ARPP21: variants seen among roughly 807,000 people sequenced by gnomAD.
ARPP21 encodes the protein cAMP-regulated phosphoprotein 21.
In ARPP21, 69 loss-of-function variants were observed where a neutral mutation model predicts 113.2. The observed-to-expected ratio is 0.61, with a 90% confidence interval of 0.50 to 0.74. The LOEUF (loss-of-function observed/expected upper bound fraction) is 0.74. Ranked by LOEUF, ARPP21 falls within the 30% of genes least tolerant of loss-of-function variation. ARPP21 has a pLI of 0.00. For synonymous variants in ARPP21, 368 were observed against 375.5 expected (o/e 0.98, Z 0.23); for missense variants, 1,070 against 1,037.4 (o/e 1.03, Z -0.43).
rs145464282 is a variant in ARPP21, at chr3:35,665,286, G to A, written c.-212-14501G>A. On this transcript the variant is annotated intron_variant, in intron 1 of 20. Coordinates refer to ENST00000684406, the MANE Select transcript of ARPP21 (RefSeq NM_001385562.1). ...GACAACAGCATTGCCCTTGGCCTAA[G>A]CTTTTTTTTTTAATATGATAACAAG... 4.1e-3 allele frequency among the ~76,000 whole-genome samples: 622 copies of A among 151,928 alleles called. 3 individuals are homozygous for A. The highest frequency in any genetic ancestry group is 7.2e-3 in the Non-Finnish European group (489 of 67,948).
At chr3:35,781,136 C>CCTTGTGAGGGAGCTCCTCTG (rs2096517411) in intron 19 of ARPP21, among the ~76,000 whole-genome samples, 2 of 152,072 alleles carry the variant, frequency 1.3e-5, no homozygotes, top group Non-Finnish European at 2.9e-5. Context: ...GCTGGTTGTC[C>CCTTGTGAGGGAGCTCCTCTG]CTTGTGAGGG....
At chr3:35,745,983 G>T (rs780695721) in intron 19 of ARPP21, among the ~76,000 whole-genome samples, 3 of 152,164 alleles carry the variant, frequency 2.0e-5, no homozygotes, top group Non-Finnish European at 2.9e-5. Context: ...ATAGAAGCAA[G>T]GCAGTGCCTA....
chr3:35,719,523 G>A (rs1398805997), intron 13 of ARPP21, among the ~76,000 whole-genome samples: 2 of 152,156 alleles, frequency 1.3e-5, no homozygotes, highest in African/African-American at 2.4e-5. Flanking sequence ...GGAGAAGGGT[G>A]TAGACTACAA....
At chr3:35,698,139 C>T (rs746432423) in intron 9 of ARPP21, among the ~76,000 whole-genome samples, 4 of 151,636 alleles carry the variant, frequency 2.6e-5, no homozygotes, top group African/African-American at 9.7e-5. Flanking sequence ...GAGCAAGACA[C>T]TTCGTTTTTT....
chr3:35,710,820 A>C (rs187609325), intron 11 of ARPP21, among the ~76,000 whole-genome samples: 1 of 152,266 alleles, frequency 6.6e-6, no homozygotes, highest in East Asian at 1.9e-4. Context: ...GGACAAAGAG[A>C]GGTCACTGGG....
intron 1 of ARPP21, among the ~76,000 whole-genome samples, chr3:35,645,292 A>G (rs868124669): frequency 1.2e-4 from 18 of 152,066 alleles, no homozygotes; most frequent in Non-Finnish European, 5.9e-5. Context: ...CAAAATATTA[A>G]GATTTTGTTA....
chr3:35,789,604 C>T (rs146748763), intron 19 of ARPP21, among the ~76,000 whole-genome samples: 216 of 152,220 alleles, frequency 1.4e-3, no homozygotes, highest in African/African-American at 4.5e-3. Context: ...AAGCTCGTAG[C>T]CCATTGCTAT....
intron 19 of ARPP21, among the ~76,000 whole-genome samples, chr3:35,745,499 TAAAGAGA>T (rs2094970955): frequency 6.6e-6 from 1 of 152,220 alleles, no homozygotes; most frequent in African/African-American, 2.4e-5. Flanking sequence ...TGGCAATTTT[TAAAGAGA>T]TTATTTCAGT....
At chr3:35,715,566 T>A (rs2092268674) in intron 12 of ARPP21, 90 bp downstream of exon 12, 1 of 1,045,524 alleles carries the variant, frequency 9.6e-7, no homozygotes, top group Non-Finnish European at 1.5e-6. Context: ...CCCATATATG[T>A]GTGTGCTTGA....
chr3:35,678,521 A>G (rs1365500756), intron 1 of ARPP21, among the ~76,000 whole-genome samples: 1 of 151,944 alleles, frequency 6.6e-6, no homozygotes, highest in Non-Finnish European at 1.5e-5. Context: ...TTTTTCCTAA[A>G]TGCATGTCTA....
intron 6 of ARPP21, among the ~76,000 whole-genome samples, chr3:35,688,880 ATT>A (rs11457892): frequency 0.016 from 2,376 of 146,790 alleles, 59 homozygotes; most frequent in African/African-American, 0.056. Flanking sequence ...CAGAACATTC[ATT>A]TTTTTTTTTT....
At chr3:35,647,720 C>A (rs1257105149) in intron 1 of ARPP21, among the ~76,000 whole-genome samples, 1 of 152,122 alleles carries the variant, frequency 6.6e-6, no homozygotes, top group Non-Finnish European at 1.5e-5. Flanking sequence ...AATAGTGTGA[C>A]TATGGCCAAA....
At chr3:35,777,399 C>A (rs2096403910) in intron 19 of ARPP21, among the ~76,000 whole-genome samples, 1 of 152,120 alleles carries the variant, frequency 6.6e-6, no homozygotes, top group Admixed American at 6.5e-5. Context: ...CAGGCAACTT[C>A]CCAGAGTCTC....
intron 9 of ARPP21, among the ~76,000 whole-genome samples, chr3:35,702,648 C>T (rs1401770435): frequency 1.3e-5 from 2 of 151,576 alleles, no homozygotes; most frequent in Admixed American, 6.6e-5. Flanking sequence ...ATGAATTTTG[C>T]AAGGGTGTTT....
In ARPP21 at chr3:35,739,541, A is replaced by C. The variant is rs1420351874; in HGVS notation, c.1974A>C (p.Ser658=). Residue 658 remains serine (S), a synonymous_variant, in exon 18 of 21, where the codon TCA becomes TCC. Transcript: ENST00000684406. ...ISQQVLQPPP[S]PQGFVQQPPP... ...AGCAGGTCCTCCAGCCCCCTCCCTC[A>C]CCACAGGGATTTGTGCAACAGCCTC... The C allele has an allele frequency of 6.2e-7, 1 of 1,613,334 alleles. No individual in the cohort carries two copies. The highest frequency in any genetic ancestry group is 8.5e-7 in the Non-Finnish European group (1 of 1,179,726).
chr3:35,651,777 T>G (rs1702494539), intron 1 of ARPP21: 2 of 152,080 alleles, frequency 1.3e-5, no homozygotes, highest in Non-Finnish European at 2.9e-5. Context: ...TATCACTATT[T>G]TTTCTTGATT....
chr3:35,659,247 C>T (rs377598127), intron 1 of ARPP21, among the ~76,000 whole-genome samples: 4 of 152,270 alleles, frequency 2.6e-5, no homozygotes, highest in South Asian at 4.1e-4. Flanking sequence ...CTTGTGAATG[C>T]ACACAGAGTC....
At chr3:35,759,190 G>T (rs78774892) in intron 19 of ARPP21, among the ~76,000 whole-genome samples, 1 of 152,060 alleles carries the variant, frequency 6.6e-6, no homozygotes, top group Non-Finnish European at 1.5e-5. Context: ...ACAGATAGAA[G>T]ACTCTAACTG....
Position 35,755,431 on chromosome 3 carries a change from A to G in ARPP21, c.2137+11466A>G, listed in dbSNP as rs1421078584. On this transcript the variant is annotated intron_variant, in intron 19 of 20. Coordinates refer to ENST00000684406, the MANE Select transcript of ARPP21 (RefSeq NM_001385562.1). ...TTTTTTTCTTTTTATATTAAATAAA[A>G]TTTGCACTTCAAACTCAGGATGCTG... Among the ~76,000 whole-genome samples the G allele has an allele frequency of 3.4e-4, 52 of 152,162 alleles. 1 individual carries two copies. The highest frequency in any genetic ancestry group is 8.8e-5 in the Non-Finnish European group (6 of 67,968).
Sources: allele counts gnomAD v4.1 joint callset (sites outside exome capture counted in the v4.1 genomes callset), GRCh38; gene constraint gnomAD v4.1.1; transcripts MANE v1.5; gene names NCBI Gene and HGNC (gene_info 2026-07-23, HGNC 2026-07-21).